ZSWIM5: variants seen among roughly 807,000 people sequenced by gnomAD.
The protein encoded by ZSWIM5 is zinc finger SWIM-type containing 5, also known as zinc finger SWIM domain-containing protein 5.
ZSWIM5 carries 55 observed loss-of-function variants against 119.6 expected under a neutral mutation model. The observed-to-expected ratio is 0.46, with a 90% CI of 0.37 to 0.58. The LOEUF (loss-of-function observed/expected upper bound fraction) is 0.58, where lower values mean the gene tolerates loss of function less well. ZSWIM5 is among the 20% of genes least tolerant of loss of function. ZSWIM5 has a pLI of 0.00. For missense variants in ZSWIM5, 1,193 were observed against 1,512.8 expected, an observed-to-expected ratio of 0.79 and a Z score of 3.51; for synonymous variants, 537 against 606.9, an observed-to-expected ratio of 0.88 and a Z score of 1.69.
At chr1:45,080,589 A>G (rs1377598163) in intron 2 of ZSWIM5, among the ~76,000 whole-genome samples, 1 of 152,196 alleles carries the variant, frequency 6.6e-6, no homozygotes, top group Non-Finnish European at 1.5e-5. Context: ...AAAACCAGAT[A>G]TTGTGAGTGC....
chr1:45,035,672 G>A lies in ZSWIM5; in HGVS notation c.2291+16C>T. ...TGCTTTGGTGGAGGCAATTGGACTG[G>A]GAAAGGGCTACCCACCTCATGGCAC... is the stretch of plus-strand genomic sequence containing the variant. On this transcript the variant is annotated intron_variant, in intron 10 of 13. Transcript: ENST00000359600. 1 of 1,611,850 alleles carries A rather than the reference G, an allele frequency of 6.2e-7. No homozygotes were observed. The highest frequency in any genetic ancestry group is 8.5e-7 in the Non-Finnish European group (1 of 1,179,522).
intron 1 of ZSWIM5, among the ~76,000 whole-genome samples, chr1:45,174,888 C>CT (rs548539994): frequency 6.6e-6 from 1 of 152,000 alleles, no homozygotes; most frequent in South Asian, 2.1e-4. Context: ...CCCCAGAATA[C>CT]TTTTTTTGTG....
At chr1:45,148,215 G>A (rs1645774683) in intron 1 of ZSWIM5, among the ~76,000 whole-genome samples, 1 of 152,072 alleles carries the variant, frequency 6.6e-6, no homozygotes, top group African/African-American at 2.4e-5. Flanking sequence ...TGTTACATAT[G>A]CACAAACCCA....
At chr1:45,046,939 G>A (rs964492969) in intron 5 of ZSWIM5, among the ~76,000 whole-genome samples, 1 of 148,232 alleles carries the variant, frequency 6.7e-6, no homozygotes, top group Non-Finnish European at 1.5e-5. Flanking sequence ...CAGGAGAATC[G>A]CTTGAACCTG....
At chr1:45,180,312 C>T (rs188218324) in intron 1 of ZSWIM5, among the ~76,000 whole-genome samples, 5 of 152,310 alleles carry the variant, frequency 3.3e-5, no homozygotes, top group Admixed American at 1.3e-4. Context: ...GTCCTACCCA[C>T]GGAGTCTCAC....
At chr1:45,129,207 G>A (rs1645640160) in intron 1 of ZSWIM5, among the ~76,000 whole-genome samples, 1 of 125,496 alleles carries the variant, frequency 8.0e-6, no homozygotes, top group South Asian at 2.4e-4. Flanking sequence ...TGCCCAGGCT[G>A]AAGCGCAATT....
chr1:45,116,332 A>G (rs1409457265), intron 1 of ZSWIM5, among the ~76,000 whole-genome samples: 1 of 152,218 alleles, frequency 6.6e-6, no homozygotes, highest in African/African-American at 2.4e-5. Flanking sequence ...CACCTGAGCT[A>G]TCGATACGGT....
chr1:45,094,663 G>A (rs1645388509), intron 1 of ZSWIM5, among the ~76,000 whole-genome samples: 1 of 152,040 alleles, frequency 6.6e-6, no homozygotes, highest in African/African-American at 2.4e-5. Context: ...AGGAGTTCAA[G>A]ACCAGCCTGG....
At chr1:45,159,649 C>T (rs934187763) in intron 1 of ZSWIM5, among the ~76,000 whole-genome samples, 2 of 152,018 alleles carry the variant, frequency 1.3e-5, no homozygotes, top group Non-Finnish European at 2.9e-5. Context: ...AGTGCAGTGG[C>T]ACGATCTAGG....
At chr1:45,159,919 G>A (rs1193997078) in intron 1 of ZSWIM5, among the ~76,000 whole-genome samples, 1 of 152,092 alleles carries the variant, frequency 6.6e-6, no homozygotes, top group Non-Finnish European at 1.5e-5. Context: ...AAAAATCACT[G>A]ATAGAAAGAA....
At chr1:45,123,465 G>T (rs1210099057) in intron 1 of ZSWIM5, among the ~76,000 whole-genome samples, 4 of 152,012 alleles carry the variant, frequency 2.6e-5, no homozygotes, top group Non-Finnish European at 4.4e-5. Context: ...TACAATAACT[G>T]AAATAAAAAA....
chr1:45,016,569 T>C lies in ZSWIM5; in HGVS notation c.*1885A>G, dbSNP rs560462492. On this transcript the variant is annotated 3_prime_UTR_variant, in exon 14 of 14. Coordinates refer to ENST00000359600, the MANE Select transcript of ZSWIM5 (RefSeq NM_020883.2). Reference sequence around the variant, plus strand: ...GACGTAGGGGCCCTTGGCTGGACAGTAAGACTTGAGTAGCCACAAATGGCA... The same window carrying C: ...GACGTAGGGGCCCTTGGCTGGACAGCAAGACTTGAGTAGCCACAAATGGCA... 6.6e-6 allele frequency: 1 copy of C among 152,328 alleles called. No homozygotes were observed. The highest frequency in any genetic ancestry group is 2.4e-5 in the African/African-American group (1 of 41,580). 9.4% of individuals were successfully genotyped at this position (152,328 alleles called of 1,614,324 possible).
rs538734160 is a variant in ZSWIM5, at chr1:45,090,005, T to A, written c.596-1768A>T. Among the ~76,000 whole-genome samples the A allele has an allele frequency of 3.9e-5, 6 of 152,350 alleles. No individual in the cohort carries two copies. The East Asian group carries it at 1.2e-3, about 29-fold the overall frequency. On this transcript the variant is annotated intron_variant, in intron 1 of 13. Coordinates refer to ENST00000359600, the MANE Select transcript of ZSWIM5 (RefSeq NM_020883.2). ...GAAAGCTATTTTAAATAATCTTATA[T>A]CTGTTGGAGAAATATTTGTCAAGTA...
chr1:45,141,674 G>A (rs978916164), intron 1 of ZSWIM5, among the ~76,000 whole-genome samples: 4 of 151,906 alleles, frequency 2.6e-5, no homozygotes, highest in South Asian at 2.1e-4. Context: ...AGACTAAAAC[G>A]ATTAAAAGTT....
chr1:45,059,441 A>G (rs965878163), intron 3 of ZSWIM5, among the ~76,000 whole-genome samples: 4 of 152,202 alleles, frequency 2.6e-5, no homozygotes, highest in African/African-American at 9.6e-5. Flanking sequence ...ATTCATATGA[A>G]AGTCCAGAAT....
chr1:45,104,777 T>C (rs991209870), intron 1 of ZSWIM5, among the ~76,000 whole-genome samples: 1 of 152,122 alleles, frequency 6.6e-6, no homozygotes, highest in Non-Finnish European at 1.5e-5. Context: ...CTCTGGCAAA[T>C]CAAGTGGTTT....
At chr1:45,107,244 G>A (rs956909465) in intron 1 of ZSWIM5, among the ~76,000 whole-genome samples, 4 of 152,008 alleles carry the variant, frequency 2.6e-5, no homozygotes, top group South Asian at 4.2e-4. Flanking sequence ...TGTTATTTTC[G>A]TTATTTTGGA....
intron 2 of ZSWIM5, among the ~76,000 whole-genome samples, chr1:45,069,741 C>T (rs74070846): frequency 0.023 from 3,449 of 152,188 alleles, 143 homozygotes; most frequent in African/African-American, 0.078. Flanking sequence ...CACTCAACAT[C>T]GCTGGCATAG....
intron 1 of ZSWIM5, among the ~76,000 whole-genome samples, chr1:45,198,835 A>G (rs1215738239): frequency 6.6e-6 from 1 of 152,216 alleles, no homozygotes; most frequent in Non-Finnish European, 1.5e-5. Flanking sequence ...CATTGCTTAC[A>G]AAAGTTCTTG....
Sources: allele counts gnomAD v4.1 joint callset (sites outside exome capture counted in the v4.1 genomes callset), GRCh38; gene constraint gnomAD v4.1.1; transcripts MANE v1.5; gene names NCBI Gene and HGNC (gene_info 2026-07-23, HGNC 2026-07-21).